The following CNTNAP2 variants were observed in gnomAD, a reference collection of about 807,000 sequenced individuals.
The protein encoded by CNTNAP2 is contactin associated protein 2.
Under a neutral mutation model 155.2 loss-of-function variants are expected in CNTNAP2, and 98 were observed. That is an observed-to-expected ratio of 0.63 (90% CI 0.54 to 0.75). The LOEUF is 0.75. CNTNAP2 is among the 30% of genes least tolerant of loss of function. The probability of loss-of-function intolerance (pLI) is 0.00; values close to 1 mark genes in which losing one functional copy is unlikely to be tolerated. For synonymous variants in CNTNAP2, 651 were observed against 631.2 expected, an observed-to-expected ratio of 1.03 and a Z score of -0.47; for missense variants, 1,727 against 1,688.1, an observed-to-expected ratio of 1.02 and a Z score of -0.40.
intron 14 of CNTNAP2, among the ~76,000 whole-genome samples, chr7:147,924,259 C>G (rs770481887): frequency 6.6e-6 from 1 of 151,774 alleles, no homozygotes; most frequent in Non-Finnish European, 1.5e-5. Flanking sequence ...TTCCCTCAGC[C>G]TCCCGAGTAG....
intron 8 of CNTNAP2, among the ~76,000 whole-genome samples, chr7:147,168,024 ATG>A (rs1327017471): frequency 2.7e-5 from 4 of 149,038 alleles, no homozygotes; most frequent in East Asian, 1.9e-4. Flanking sequence ...ATATATGTAT[ATG>A]TGTGTTTACA....
At chr7:146,234,523 A>T (rs1044322609) in intron 1 of CNTNAP2, among the ~76,000 whole-genome samples, 3 of 151,428 alleles carry the variant, frequency 2.0e-5, no homozygotes, top group African/African-American at 7.3e-5. Context: ...TGTTTTAGAC[A>T]TGAAGTCCTT....
At chr7:147,056,134 G>T (rs1159049988) in intron 4 of CNTNAP2, among the ~76,000 whole-genome samples, 1 of 152,050 alleles carries the variant, frequency 6.6e-6, no homozygotes, top group African/African-American at 2.4e-5. Flanking sequence ...TGAACAACAT[G>T]TAAAATCCCA....
chr7:146,610,933 A>T (rs2129153978), intron 1 of CNTNAP2, among the ~76,000 whole-genome samples: 1 of 152,328 alleles, frequency 6.6e-6, no homozygotes, highest in East Asian at 1.9e-4. Flanking sequence ...AAAGTATATG[A>T]ATGCAAATGA....
intron 13 of CNTNAP2, among the ~76,000 whole-genome samples, chr7:147,658,883 A>G (rs1795571445): frequency 6.6e-6 from 1 of 152,108 alleles, no homozygotes. Context: ...GGAGCTATTT[A>G]GTTCTCTTTG....
At chr7:147,163,773 G>A (rs149077012) in intron 8 of CNTNAP2, among the ~76,000 whole-genome samples, 74 of 152,190 alleles carry the variant, frequency 4.9e-4, no homozygotes, top group African/African-American at 1.7e-3. Context: ...TTTGTAAATT[G>A]GACATCTCAA....
At chr7:146,174,623 A>C (rs995585483) in intron 1 of CNTNAP2, among the ~76,000 whole-genome samples, 4 of 151,664 alleles carry the variant, frequency 2.6e-5, no homozygotes, top group African/African-American at 7.3e-5. Flanking sequence ...GGATCACCTG[A>C]GGTTGGAAGT....
In CNTNAP2 at chr7:147,580,619, A is replaced by ATT. The variant is rs5888275; in HGVS notation, c.1897+18375_1897+18376dup. On this transcript the variant is annotated intron_variant, in intron 12 of 23. Coordinates refer to ENST00000361727, the MANE Select transcript of CNTNAP2 (RefSeq NM_014141.6). The stretch of plus-strand genomic sequence containing the variant: ...TGTTGATCTTGTTTTTTACATTATC[A>ATT]TTTTTTTTTTTTTTGAGACGGAATC... Among the ~76,000 whole-genome samples the ATT allele has an allele frequency of 1.5e-3, 215 of 142,372 alleles. 1 individual carries two copies. Among genetic ancestry groups the ATT allele is most frequent in the Admixed American group, 5.4e-3 (77 of 14,258 alleles). The allele number at this position is 142,372 out of a possible 152,430, so 93.4% of individuals were successfully genotyped here.
intron 1 of CNTNAP2, among the ~76,000 whole-genome samples, chr7:146,315,983 T>A (rs1197934140): frequency 6.6e-6 from 1 of 152,208 alleles, no homozygotes; most frequent in Non-Finnish European, 1.5e-5. Context: ...CATAACTGCT[T>A]ATTTCTTTCA....
At chr7:147,486,559 C>T (rs1798514833) in intron 11 of CNTNAP2, among the ~76,000 whole-genome samples, 2 of 151,834 alleles carry the variant, frequency 1.3e-5, no homozygotes, top group Admixed American at 6.6e-5. Context: ...AGATAAAATA[C>T]ATAAGAAGGT....
chr7:147,662,409 T>C (rs1795626733), intron 13 of CNTNAP2, among the ~76,000 whole-genome samples: 1 of 152,060 alleles, frequency 6.6e-6, no homozygotes, highest in Non-Finnish European at 1.5e-5. Context: ...AGAGTTAGAG[T>C]AGGAAATAAA....
At chr7:148,161,865 G>A (rs550717067) in intron 17 of CNTNAP2, among the ~76,000 whole-genome samples, 43 of 152,170 alleles carry the variant, frequency 2.8e-4, no homozygotes, top group African/African-American at 6.7e-4. Context: ...CTGCCAACTC[G>A]CCTCCCTTTT....
At chr7:147,734,321 T>C (rs939975403) in intron 13 of CNTNAP2, among the ~76,000 whole-genome samples, 2 of 152,242 alleles carry the variant, frequency 1.3e-5, no homozygotes, top group African/African-American at 4.8e-5. Context: ...ATTACATTTA[T>C]TGATTTGCAT....
intron 14 of CNTNAP2, among the ~76,000 whole-genome samples, chr7:147,906,038 G>A (rs967519873): frequency 6.6e-6 from 1 of 152,130 alleles, no homozygotes; most frequent in African/African-American, 2.4e-5. Context: ...TGGGACACTC[G>A]CCCTTGCATG....
At chr7:146,459,831 A>C (rs1447190727) in intron 1 of CNTNAP2, among the ~76,000 whole-genome samples, 2 of 151,992 alleles carry the variant, frequency 1.3e-5, no homozygotes, top group South Asian at 2.1e-4. Flanking sequence ...TTAGCCTGGC[A>C]TGGGGGTACA....
chr7:146,632,237 T>C (rs347211), intron 1 of CNTNAP2, among the ~76,000 whole-genome samples: 99,141 of 152,000 alleles, frequency 0.65, 33,753 homozygotes, highest in African/African-American at 0.82. Context: ...TAAATTCCCA[T>C]GACCTATTCC....
At chr7:147,190,076 C>CA (rs1289313122) in intron 8 of CNTNAP2, among the ~76,000 whole-genome samples, 3 of 152,070 alleles carry the variant, frequency 2.0e-5, no homozygotes, top group Non-Finnish European at 4.4e-5. Context: ...TCTTTACCTT[C>CA]AAGGGGTATT....
chr7:148,144,553 T>C (rs1049429167), intron 16 of CNTNAP2, among the ~76,000 whole-genome samples: 1 of 152,214 alleles, frequency 6.6e-6, no homozygotes, highest in Non-Finnish European at 1.5e-5. Context: ...ACTATGGTTC[T>C]GCCAGCATCA....
At chr7:148,166,611 A>G (rs1413516196) in intron 17 of CNTNAP2, among the ~76,000 whole-genome samples, 1 of 152,170 alleles carries the variant, frequency 6.6e-6, no homozygotes, top group Non-Finnish European at 1.5e-5. Context: ...GGGTAGTTCC[A>G]GCATTTTCAT....
Sources: allele counts gnomAD v4.1 joint callset (sites outside exome capture counted in the v4.1 genomes callset), GRCh38; gene constraint gnomAD v4.1.1; transcripts MANE v1.5; gene names NCBI Gene and HGNC (gene_info 2026-07-23, HGNC 2026-07-21).